The following CSMD3 variants were observed in gnomAD, a reference collection of about 807,000 sequenced individuals.
CSMD3 encodes CUB and sushi domain-containing protein 3.
In CSMD3, 177 loss-of-function variants were observed where a neutral mutation model predicts 435.2. The ratio of observed to expected loss-of-function variants is 0.41; its 90% CI spans 0.36 to 0.46. The LOEUF is 0.46. Ranked by LOEUF, CSMD3 falls within the 20% of genes least tolerant of loss-of-function variation. CSMD3 has a pLI of 0.34. For synonymous variants in CSMD3, 1,656 were observed against 1,520.5 expected (o/e 1.09, Z -2.07); for missense variants, 4,265 against 4,504.6 (o/e 0.95, Z 1.52).
intron 13 of CSMD3, among the ~76,000 whole-genome samples, chr8:112,755,987 T>C (rs1355259182): frequency 6.6e-6 from 1 of 152,014 alleles, no homozygotes; most frequent in Non-Finnish European, 1.5e-5. Context: ...AGAACAATCT[T>C]AGCCACAAGG....
At chr8:112,696,955 G>T (rs1345979361) in intron 13 of CSMD3, among the ~76,000 whole-genome samples, 6 of 152,136 alleles carry the variant, frequency 3.9e-5, no homozygotes, top group Non-Finnish European at 7.3e-5. Context: ...CATTTATGCA[G>T]CCAACAAACA....
At chr8:113,397,905 C>A (rs560603566) in intron 1 of CSMD3, among the ~76,000 whole-genome samples, 1 of 151,874 alleles carries the variant, frequency 6.6e-6, no homozygotes, top group African/African-American at 2.4e-5. Context: ...CAGCTGAGTT[C>A]AAACAGCAGG....
At chr8:112,616,919 A>C (rs1833702500) in intron 22 of CSMD3, among the ~76,000 whole-genome samples, 1 of 152,144 alleles carries the variant, frequency 6.6e-6, no homozygotes, top group Non-Finnish European at 1.5e-5. Context: ...AAAATGTGTA[A>C]AGTCCTGTGT....
chr8:113,337,524 T>C (rs2094085573), intron 1 of CSMD3, among the ~76,000 whole-genome samples: 1 of 152,148 alleles, frequency 6.6e-6, no homozygotes, highest in South Asian at 2.1e-4. Context: ...GCTAACATTA[T>C]TAAAATCTTA....
At position 112,438,122 on chromosome 8, in the gene CSMD3, T is replaced by C. The variant is rs549254046; in HGVS notation, c.5396-29090A>G. Among the ~76,000 whole-genome samples, 10 of 152,322 alleles carry C rather than the reference T, an allele frequency of 6.6e-5. No individual in the cohort carries two copies. In the South Asian group the frequency reaches 2.1e-3, roughly 32 times the overall value. On this transcript the variant is annotated intron_variant, in intron 32 of 70. Coordinates refer to ENST00000297405, the MANE Select transcript of CSMD3 (RefSeq NM_198123.2). ...TTATCTCTGATATGTTTCTTGCTTCTGCCTTTTTCATTCCATTCACCTTGA... is the reference window on the plus strand; with the variant it reads ...TTATCTCTGATATGTTTCTTGCTTCCGCCTTTTTCATTCCATTCACCTTGA...
At chr8:112,538,264 C>T (rs1307712062) in intron 27 of CSMD3, among the ~76,000 whole-genome samples, 1 of 151,990 alleles carries the variant, frequency 6.6e-6, no homozygotes, top group East Asian at 1.9e-4. Flanking sequence ...ATGTCGACAG[C>T]CTTTTTTCTA....
intron 59 of CSMD3, among the ~76,000 whole-genome samples, chr8:112,266,410 C>T (rs1816951161): frequency 6.6e-6 from 1 of 152,168 alleles, no homozygotes; most frequent in Non-Finnish European, 1.5e-5. Flanking sequence ...ATCCCAAGGA[C>T]ACAAGAAAGA....
At chr8:113,097,845 G>A (rs1159486802) in intron 5 of CSMD3, among the ~76,000 whole-genome samples, 1 of 151,750 alleles carries the variant, frequency 6.6e-6, no homozygotes, top group Non-Finnish European at 1.5e-5. Context: ...TTTCAATACT[G>A]CCTTCTTTAT....
intron 6 of CSMD3, among the ~76,000 whole-genome samples, chr8:112,976,755 A>G (rs1324382887): frequency 6.6e-6 from 1 of 152,140 alleles, no homozygotes; most frequent in African/African-American, 2.4e-5. Context: ...CAAGTTTTTA[A>G]AAATTAGTTA....
chr8:112,439,164 G>A (rs947226290), intron 32 of CSMD3, among the ~76,000 whole-genome samples: 4 of 152,064 alleles, frequency 2.6e-5, no homozygotes, highest in African/African-American at 4.8e-5. Context: ...TGTTTGAGAT[G>A]GAGTCTCGCT....
intron 2 of CSMD3, among the ~76,000 whole-genome samples, chr8:113,294,160 A>G (rs1664723239): frequency 6.6e-6 from 1 of 152,050 alleles, no homozygotes; most frequent in African/African-American, 2.4e-5. Flanking sequence ...AATTTTAGCT[A>G]ATTAGGAACA....
chr8:112,767,077 A>C (rs1254208852), intron 13 of CSMD3, among the ~76,000 whole-genome samples: 1 of 151,844 alleles, frequency 6.6e-6, no homozygotes, highest in Non-Finnish European at 1.5e-5. Flanking sequence ...TTCTATAGTA[A>C]ATTTTGGGAT....
chr8:112,877,268 CT>C (rs559305551), intron 10 of CSMD3, among the ~76,000 whole-genome samples: 60 of 146,652 alleles, frequency 4.1e-4, no homozygotes, highest in Admixed American at 6.2e-4. Context: ...CTTTAAATTT[CT>C]TTTTTTTTTT....
At chr8:113,414,611 C>A (rs866580753) in intron 1 of CSMD3, among the ~76,000 whole-genome samples, 3 of 144,104 alleles carry the variant, frequency 2.1e-5, no homozygotes, top group Middle Eastern at 3.7e-3. Flanking sequence ...TTTTTCTTCT[C>A]ACTTATAGAT....
At position 112,978,182 on chromosome 8, in the gene CSMD3, T is replaced by C. The variant is rs577065355; in HGVS notation, c.1031-2034A>G. Among the ~76,000 whole-genome samples the C allele has an allele frequency of 2.6e-5, 4 of 152,174 alleles. No individual in the cohort carries two copies. The East Asian group carries it at 7.7e-4, about 29-fold the overall frequency. Reference sequence around the variant, plus strand: ...AATTTTAATAAAAGAAACTATTAACTATAAACATATGTTGGTAATTATAAG... The same window carrying C: ...AATTTTAATAAAAGAAACTATTAACCATAAACATATGTTGGTAATTATAAG... On this transcript the variant is annotated intron_variant, in intron 6 of 70. Transcript: ENST00000297405.
At chr8:113,398,062 C>G (rs1052675199) in intron 1 of CSMD3, among the ~76,000 whole-genome samples, 1 of 152,054 alleles carries the variant, frequency 6.6e-6, no homozygotes, top group African/African-American at 2.4e-5. Context: ...ATAGTGAATG[C>G]TCGATAGCGT....
chr8:113,250,682 T>C (rs567846257), intron 3 of CSMD3, among the ~76,000 whole-genome samples: 54 of 152,230 alleles, frequency 3.5e-4, no homozygotes, highest in South Asian at 2.1e-4. Context: ...ATGTAGAGTA[T>C]ACATTCAAAA....
chr8:112,354,375 G>A (rs542653408), intron 38 of CSMD3, among the ~76,000 whole-genome samples: 2 of 152,026 alleles, frequency 1.3e-5, no homozygotes, highest in African/African-American at 4.8e-5. Context: ...ATAAATAAAA[G>A]GTATCCAAAA....
intron 37 of CSMD3, among the ~76,000 whole-genome samples, chr8:112,381,039 G>T (rs1829422545): frequency 6.6e-6 from 1 of 152,026 alleles, no homozygotes; most frequent in African/African-American, 2.4e-5. Flanking sequence ...AACACAGTTT[G>T]CAAACTAAAA....
Sources: allele counts gnomAD v4.1 joint callset (sites outside exome capture counted in the v4.1 genomes callset), GRCh38; gene constraint gnomAD v4.1.1; transcripts MANE v1.5; gene names NCBI Gene and HGNC (gene_info 2026-07-23, HGNC 2026-07-21).